DLG2: variants seen among roughly 807,000 people sequenced by gnomAD.
The protein encoded by DLG2 is discs large MAGUK scaffold protein 2, also known as disks large homolog 2.
In DLG2, 45 loss-of-function variants were observed where a neutral mutation model predicts 132.5. That is an observed-to-expected ratio of 0.34 (90% CI 0.27 to 0.44). The LOEUF is 0.44. DLG2 is among the 20% of genes least tolerant of loss of function. The pLI, the probability that DLG2 is intolerant of heterozygous loss-of-function variation, is 1.00. For missense variants in DLG2, 1,045 were observed against 1,196.9 expected, an observed-to-expected ratio of 0.87 and a Z score of 1.87; for synonymous variants, 424 against 419.6, an observed-to-expected ratio of 1.01 and a Z score of -0.13.
chr11:85,561,729 T>C (rs942495729), intron 3 of DLG2, among the ~76,000 whole-genome samples: 7 of 151,840 alleles, frequency 4.6e-5, no homozygotes, highest in Non-Finnish European at 1.5e-5. Flanking sequence ...CTTACAACCG[T>C]TCTAATCACA....
intron 3 of DLG2, among the ~76,000 whole-genome samples, chr11:85,296,926 T>C (rs942901944): frequency 1.3e-5 from 2 of 150,182 alleles, no homozygotes; most frequent in African/African-American, 2.4e-5. Flanking sequence ...TACAATCATA[T>C]TATAATTTAT....
At position 84,546,573 on chromosome 11, in the gene DLG2, T is replaced by C. The variant is rs2099390305; in HGVS notation, c.358-11842A>G. ...GCAACTAGTCTTTGAGAATCTCCTC[T>C]TGAGACAACTGTCTTTGGTTCCACG... On this transcript the variant is annotated intron_variant, in intron 6 of 27. Transcript: ENST00000376104. 3.1e-5 allele frequency: 13 copies of C among 423,538 alleles called. 1 individual carries two copies. Among genetic ancestry groups the C allele is most frequent in the South Asian group, 2.4e-4 (12 of 49,496 alleles). The allele number at this position is 423,538 out of a possible 1,614,324, so 26.2% of individuals were successfully genotyped here. A position where few individuals can be genotyped will look rare whatever the true frequency, so the allele number is the denominator to read the frequency against.
In DLG2 at chr11:85,117,803, T is replaced by A. The variant is rs574769688; in HGVS notation, c.283-6068A>T. The stretch of plus-strand genomic sequence containing the variant: ...GACTAATATTTGGGACTGAGCAATT[T>A]TAATTAATACATTGGGACTGTATTT... On this transcript the variant is annotated intron_variant, in intron 5 of 27. Transcript: ENST00000376104. Among the ~76,000 whole-genome samples the A allele has an allele frequency of 3.3e-5, 5 of 152,148 alleles. No individual in the cohort carries two copies. In the East Asian group the frequency reaches 9.6e-4, roughly 29 times the overall value.
chr11:85,590,874 T>A (rs766207323), intron 3 of DLG2, among the ~76,000 whole-genome samples: 35 of 152,130 alleles, frequency 2.3e-4, no homozygotes, highest in Admixed American at 1.4e-3. Flanking sequence ...CTCCCAACAA[T>A]AGCTTTGGGG....
At chr11:85,455,098 G>A (rs375303020) in intron 3 of DLG2, among the ~76,000 whole-genome samples, 4 of 152,094 alleles carry the variant, frequency 2.6e-5, no homozygotes, top group African/African-American at 9.7e-5. Context: ...CATTGAATCT[G>A]TAAATTACTT....
intron 18 of DLG2, among the ~76,000 whole-genome samples, chr11:83,641,158 C>T (rs2066391653): frequency 6.6e-6 from 1 of 152,148 alleles, no homozygotes. Context: ...CAAGACTCTT[C>T]TGATTTCACA....
intron 6 of DLG2, among the ~76,000 whole-genome samples, chr11:84,898,288 A>G (rs188033992): frequency 6.6e-6 from 1 of 152,036 alleles, no homozygotes; most frequent in Admixed American, 6.6e-5. Context: ...TTGCTTGAAT[A>G]GTATCTTCAT....
chr11:85,510,328 A>G (rs1342019811), intron 3 of DLG2, among the ~76,000 whole-genome samples: 1 of 152,100 alleles, frequency 6.6e-6, no homozygotes, highest in East Asian at 1.9e-4. Context: ...TTCATGTACA[A>G]AACACCAAAA....
chr11:85,001,957 T>C (rs935312208), intron 6 of DLG2, among the ~76,000 whole-genome samples: 4 of 152,230 alleles, frequency 2.6e-5, no homozygotes, highest in Non-Finnish European at 5.9e-5. Context: ...TAAAAACAAC[T>C]TCCCTAAAAA....
chr11:85,400,238 T>C (rs1410306815), intron 3 of DLG2, among the ~76,000 whole-genome samples: 2 of 151,350 alleles, frequency 1.3e-5, no homozygotes. Context: ...TGAGATACCA[T>C]CTCACACCAG....
intron 19 of DLG2, among the ~76,000 whole-genome samples, chr11:83,561,776 T>A (rs1221703057): frequency 1.3e-5 from 2 of 151,882 alleles, no homozygotes; most frequent in East Asian, 3.9e-4. Flanking sequence ...ATAATATAAA[T>A]AGCTATCATT....
chr11:84,051,137 A>C (rs957600732), intron 11 of DLG2, among the ~76,000 whole-genome samples: 5 of 151,956 alleles, frequency 3.3e-5, no homozygotes, highest in African/African-American at 1.2e-4. Context: ...GGTGCTGGAG[A>C]GGATGTGGAG....
At chr11:83,837,016 G>A (rs188962133) in intron 16 of DLG2, among the ~76,000 whole-genome samples, 16 of 152,210 alleles carry the variant, frequency 1.1e-4, no homozygotes, top group Non-Finnish European at 1.9e-4. Flanking sequence ...AACACCAATC[G>A]GGGAGAGAAG....
At chr11:83,684,085 C>T (rs1330752407) in intron 18 of DLG2, among the ~76,000 whole-genome samples, 1 of 152,034 alleles carries the variant, frequency 6.6e-6, no homozygotes, top group Non-Finnish European at 1.5e-5. Flanking sequence ...AAACAATGAA[C>T]TTTTATATGT....
At chr11:84,112,046 TC>T (rs2093375514) in intron 9 of DLG2, among the ~76,000 whole-genome samples, 1 of 152,086 alleles carries the variant, frequency 6.6e-6, no homozygotes, top group Non-Finnish European at 1.5e-5. Context: ...AGAGTCTCAC[TC>T]TGTTGCCCAG....
intron 9 of DLG2, among the ~76,000 whole-genome samples, chr11:84,147,506 C>T (rs897733925): frequency 6.6e-6 from 1 of 152,066 alleles, no homozygotes; most frequent in Admixed American, 6.6e-5. Context: ...ATCATAGTCT[C>T]AAACTATTGA....
intron 6 of DLG2, among the ~76,000 whole-genome samples, chr11:85,051,103 C>T (rs2062845255): frequency 6.6e-6 from 1 of 152,038 alleles, no homozygotes; most frequent in Admixed American, 6.6e-5. Context: ...CATTAAGTTC[C>T]TATTATTTTC....
At chr11:84,010,295 A>ATTATTT (rs1014680511) in intron 11 of DLG2, among the ~76,000 whole-genome samples, 3 of 149,508 alleles carry the variant, frequency 2.0e-5, no homozygotes, top group African/African-American at 7.3e-5. Context: ...TTTTAATTGT[A>ATTATTT]TTATTATTAT....
chr11:84,824,249 T>C (rs778496210), intron 6 of DLG2, among the ~76,000 whole-genome samples: 4 of 152,048 alleles, frequency 2.6e-5, no homozygotes, highest in South Asian at 2.1e-4. Context: ...AGGCAGCTGA[T>C]AAACATTTAA....
Sources: gnomAD v4.1 joint callset for allele counts (sites outside exome capture counted in the v4.1 genomes callset) on GRCh38, gnomAD v4.1.1 for gene constraint, MANE v1.5 for transcripts, NCBI Gene and HGNC (gene_info 2026-07-23, HGNC 2026-07-21) for gene names.